Variants in SLC16A10 observed in about 807,000 individuals in gnomAD.
SLC16A10 encodes monocarboxylate transporter 10.
SLC16A10 carries 27 observed loss-of-function variants against 40.0 expected under a neutral mutation model. The observed-to-expected ratio is 0.67, with a 90% confidence interval of 0.50 to 0.93. The LOEUF (loss-of-function observed/expected upper bound fraction) is 0.93. Among genes scored for constraint, SLC16A10 ranks in the 40% least tolerant of loss-of-function variants. The probability of loss-of-function intolerance (pLI) is 0.00; values close to 1 mark genes in which losing one functional copy is unlikely to be tolerated. For synonymous variants in SLC16A10, 213 were observed against 249.8 expected (o/e 0.85, Z 1.39); for missense variants, 529 against 658.2 (o/e 0.80, Z 2.15).
At chr6:111,138,002 G>A (rs904478487) in intron 1 of SLC16A10, among the ~76,000 whole-genome samples, 6 of 152,148 alleles carry the variant, frequency 3.9e-5, no homozygotes, top group East Asian at 1.9e-4. Flanking sequence ...AGCCGGCAAC[G>A]GCTACCCTCT....
intron 1 of SLC16A10, 48 bp downstream of exon 1, chr6:111,088,143 C>T (rs758817779): frequency 6.4e-7 from 1 of 1,555,968 alleles, no homozygotes; most frequent in East Asian, 2.5e-5. Context: ...CCGCGTGGGG[C>T]CCCCGAGCGC....
intron 1 of SLC16A10, among the ~76,000 whole-genome samples, chr6:111,095,520 A>T (rs916263357): frequency 1.3e-5 from 2 of 152,226 alleles, no homozygotes; most frequent in African/African-American, 4.8e-5. Flanking sequence ...CATTTTAAAG[A>T]TGATCCATAT....
chr6:111,164,256 C>T (rs1460631657), intron 1 of SLC16A10, among the ~76,000 whole-genome samples: 1 of 148,298 alleles, frequency 6.7e-6, no homozygotes, highest in Non-Finnish European at 1.5e-5. Context: ...ATTTACTTTC[C>T]TTACACACCT....
At position 111,087,535 on chromosome 6, in the gene SLC16A10, T is replaced by G; in HGVS notation, c.-218T>G. ...GGTGCGGGGCTGTGACCTAGAGGCT[T>G]CAGTGTCGATCCCCGAGGTGTTCGC... On this transcript the variant is annotated 5_prime_UTR_variant, in exon 1 of 6. Coordinates refer to ENST00000368851, the MANE Select transcript of SLC16A10 (RefSeq NM_018593.5). 5.0e-6 allele frequency: 1 copy of G among 199,072 alleles called. No homozygotes were observed. 12.3% of individuals were successfully genotyped at this position (199,072 alleles called of 1,614,324 possible).
chr6:111,115,355 G>A (rs752472984), intron 1 of SLC16A10, among the ~76,000 whole-genome samples: 24 of 152,262 alleles, frequency 1.6e-4, no homozygotes, highest in East Asian at 3.9e-4. Flanking sequence ...GATTATAGGC[G>A]CCTGCCATCA....
chr6:111,095,201 T>TA (rs1197769887), intron 1 of SLC16A10, among the ~76,000 whole-genome samples: 6 of 152,336 alleles, frequency 3.9e-5, no homozygotes, highest in Non-Finnish European at 7.3e-5. Context: ...CTGTAGGTGT[T>TA]ACACTGGCCC....
At chr6:111,175,130 A>G (rs946356880) in intron 2 of SLC16A10, among the ~76,000 whole-genome samples, 1 of 152,170 alleles carries the variant, frequency 6.6e-6, no homozygotes, top group African/African-American at 2.4e-5. Flanking sequence ...CTGCCTTCTG[A>G]GGAAAACCTT....
chr6:111,182,328 TTTTTC>T (rs1042294067), intron 3 of SLC16A10, among the ~76,000 whole-genome samples: 16 of 144,716 alleles, frequency 1.1e-4, no homozygotes, highest in Non-Finnish European at 2.0e-4. Context: ...TTTTTTTTTT[TTTTTC>T]CTTTTTAACG....
intron 1 of SLC16A10, among the ~76,000 whole-genome samples, chr6:111,159,909 A>G (rs1308627242): frequency 6.6e-6 from 1 of 152,100 alleles, no homozygotes; most frequent in Admixed American, 6.6e-5. Context: ...TGTCATAGGC[A>G]TATTTTCCAT....
At chr6:111,092,765 C>T (rs527929039) in intron 1 of SLC16A10, among the ~76,000 whole-genome samples, 74 of 151,564 alleles carry the variant, frequency 4.9e-4, no homozygotes, top group South Asian at 1.9e-3. Context: ...TTGGGCTGGG[C>T]GCAGTGGCTC....
In SLC16A10 at chr6:111,225,233, A is replaced by G. The variant is rs1478544588; in HGVS notation, c.*2998A>G. Reference sequence around the variant, plus strand: ...CCCTGCTACAAGACTTAAAATTTCCACTGAAAATTGCATAGTTCTTGTATT... The same window carrying G: ...CCCTGCTACAAGACTTAAAATTTCCGCTGAAAATTGCATAGTTCTTGTATT... On this transcript the variant is annotated 3_prime_UTR_variant, in exon 6 of 6. Coordinates refer to ENST00000368851, the MANE Select transcript of SLC16A10 (RefSeq NM_018593.5). The G allele has an allele frequency of 2.6e-5, 4 of 152,208 alleles. No homozygotes were observed. The highest frequency in any genetic ancestry group is 4.4e-5 in the Non-Finnish European group (3 of 68,048). 9.4% of individuals were successfully genotyped at this position (152,208 alleles called of 1,614,324 possible).
intron 1 of SLC16A10, among the ~76,000 whole-genome samples, chr6:111,130,736 G>A (rs1206046082): frequency 3.3e-5 from 5 of 152,188 alleles, no homozygotes; most frequent in African/African-American, 9.7e-5. Flanking sequence ...GCCCATCTCT[G>A]CTCTGATATA....
intron 1 of SLC16A10, among the ~76,000 whole-genome samples, chr6:111,121,693 TG>T (rs1399694962): frequency 6.6e-6 from 1 of 152,228 alleles, no homozygotes; most frequent in African/African-American, 2.4e-5. Context: ...CCTTTTCCTT[TG>T]GTTTTTTTTC....
At chr6:111,204,139 G>A (rs942065666) in intron 3 of SLC16A10, among the ~76,000 whole-genome samples, 5 of 152,120 alleles carry the variant, frequency 3.3e-5, no homozygotes, top group African/African-American at 9.7e-5. Flanking sequence ...TAGTGGTCCC[G>A]GTGAGGAGTG....
At chr6:111,142,891 T>C (rs1772008957) in intron 1 of SLC16A10, among the ~76,000 whole-genome samples, 1 of 152,210 alleles carries the variant, frequency 6.6e-6, no homozygotes. Flanking sequence ...AGTTGAAAAC[T>C]TATATTCACA....
At position 111,129,223 on chromosome 6, in the gene SLC16A10, C is replaced by T. The variant is rs934529300; in HGVS notation, c.343+41128C>T. Reference sequence around the variant, plus strand: ...GGAAGGAACAGCTGTGTATTTGGACCTTGGAGCAGTCTGTCAGGCTTCCAA... The same window carrying T: ...GGAAGGAACAGCTGTGTATTTGGACTTTGGAGCAGTCTGTCAGGCTTCCAA... On this transcript the variant is annotated intron_variant, in intron 1 of 5. Transcript: ENST00000368851. 5.9e-5 allele frequency among the ~76,000 whole-genome samples: 9 copies of T among 152,266 alleles called. No individual in the cohort carries two copies. In the East Asian group the frequency reaches 1.7e-3, roughly 29 times the overall value.
intron 1 of SLC16A10, among the ~76,000 whole-genome samples, chr6:111,105,150 G>C (rs1771261214): frequency 6.6e-6 from 1 of 152,056 alleles, no homozygotes; most frequent in Non-Finnish European, 1.5e-5. Flanking sequence ...TTATTTTTAA[G>C]ATGTTCTAGA....
chr6:111,189,230 T>A (rs1490933751), intron 3 of SLC16A10, among the ~76,000 whole-genome samples: 1 of 152,184 alleles, frequency 6.6e-6, no homozygotes, highest in Non-Finnish European at 1.5e-5. Flanking sequence ...TGGTAAGAGA[T>A]GGTAAGAGAC....
At chr6:111,137,713 A>ATAG (rs1404753519) in intron 1 of SLC16A10, among the ~76,000 whole-genome samples, 1 of 152,186 alleles carries the variant, frequency 6.6e-6, no homozygotes, top group Non-Finnish European at 1.5e-5. Context: ...AACCTCCCCA[A>ATAG]TAGTACTTGG....
Sources: gnomAD v4.1 joint callset for allele counts (sites outside exome capture counted in the v4.1 genomes callset) on GRCh38, gnomAD v4.1.1 for gene constraint, MANE v1.5 for transcripts, NCBI Gene and HGNC (gene_info 2026-07-23, HGNC 2026-07-21) for gene names.